CCNJL: variants seen among roughly 807,000 people sequenced by gnomAD.
CCNJL encodes the protein cyclin J like.
In CCNJL, 33 loss-of-function variants were observed where a neutral mutation model predicts 33.4. That is an observed-to-expected ratio of 0.99 (90% CI 0.75 to 1.32). The LOEUF (loss-of-function observed/expected upper bound fraction) is 1.32. CCNJL is among the 40% of genes most tolerant of loss of function. The probability of loss-of-function intolerance (pLI) is 0.00; values close to 1 mark genes in which losing one functional copy is unlikely to be tolerated. For synonymous variants in CCNJL, 227 were observed against 220.9 expected (o/e 1.03, Z -0.24); for missense variants, 512 against 499.7 (o/e 1.02, Z -0.23).
At chr5:160,314,718 G>A (rs902633895), upstream of CCNJL, among the ~76,000 whole-genome samples, 1 of 152,136 alleles carries the variant, frequency 6.6e-6, no homozygotes, top group Non-Finnish European at 1.5e-5. Context: ...CTGATAAATC[G>A]GTATGTAAAA....
chr5:160,275,173 C>G lies in CCNJL; in HGVS notation c.280+5352G>C, dbSNP rs972126836. 5.8e-4 allele frequency among the ~76,000 whole-genome samples: 88 copies of G among 151,822 alleles called. 1 individual carries two copies. Among genetic ancestry groups the G allele is most frequent in the African/African-American group, 2.1e-3 (85 of 41,296 alleles). On this transcript the variant is annotated intron_variant, in intron 3 of 5. Coordinates refer to ENST00000257536, the MANE Select transcript of CCNJL (RefSeq NM_001308173.3). The stretch of plus-strand genomic sequence containing the variant: ...AATCTTGGCTCACTGCAACCTCCGC[C>G]TCCCGGGTTCAAGCAATTCTTCCAC...
intron 2 of CCNJL, among the ~76,000 whole-genome samples, chr5:160,286,079 G>T (rs969119348): frequency 6.6e-6 from 1 of 152,194 alleles, no homozygotes; most frequent in Non-Finnish European, 1.5e-5. Flanking sequence ...TGCAGCTGCC[G>T]GAAATTAGAC....
intron 5 of CCNJL, 98 bp from the exon 6 acceptor site, chr5:160,253,896 C>A (rs1207032707): frequency 3.2e-6 from 3 of 926,430 alleles, no homozygotes; most frequent in Middle Eastern, 2.3e-4. Context: ...GGAAGAGATG[C>A]GTGTGTCCTG....
intron 4 of CCNJL, among the ~76,000 whole-genome samples, chr5:160,257,193 T>C (rs1761103640): frequency 1.3e-5 from 2 of 151,720 alleles, no homozygotes; most frequent in Admixed American, 6.6e-5. Flanking sequence ...TTTAAAAAAT[T>C]GGCCGGGTGC....
Position 160,312,562 on chromosome 5 carries a change from C to T in CCNJL, c.-248G>A, listed in dbSNP as rs1354397467. 1 of 151,582 alleles carries T rather than the reference C, an allele frequency of 6.6e-6. No individual in the cohort carries two copies. The highest frequency in any genetic ancestry group is 1.5e-5 in the Non-Finnish European group (1 of 67,850). The allele number at this position is 151,582 out of a possible 1,614,324, so 9.4% of individuals were successfully genotyped here. A position where few individuals can be genotyped will look rare whatever the true frequency, so the allele number is the denominator to read the frequency against. On this transcript the variant is annotated 5_prime_UTR_variant, in exon 1 of 6. Transcript: ENST00000257536. The stretch of plus-strand genomic sequence containing the variant: ...CGGGTCCCGCCGCGGCTCGCAGGCT[C>T]CCGGCCGCCGGGGGCCTCCCTCCCT...
intron 3 of CCNJL, among the ~76,000 whole-genome samples, chr5:160,272,585 C>G (rs1427472816): frequency 6.6e-6 from 1 of 152,138 alleles, no homozygotes; most frequent in African/African-American, 2.4e-5. Flanking sequence ...AGAGACATTG[C>G]TTGTTCTTTT....
chr5:160,270,035 GCA>G (rs1260525050), intron 3 of CCNJL, among the ~76,000 whole-genome samples: 3 of 152,176 alleles, frequency 2.0e-5, no homozygotes, highest in Non-Finnish European at 2.9e-5. Flanking sequence ...TATAGGCTGG[GCA>G]CAGTGACTCA....
chr5:160,294,291 T>C (rs1341393694), intron 2 of CCNJL, among the ~76,000 whole-genome samples: 1 of 152,176 alleles, frequency 6.6e-6, no homozygotes, highest in Non-Finnish European at 1.5e-5. Context: ...GGAACACTAT[T>C]TCAACATTCT....
At chr5:160,282,554 A>C (rs569371968) in intron 2 of CCNJL, among the ~76,000 whole-genome samples, 1 of 149,298 alleles carries the variant, frequency 6.7e-6, no homozygotes, top group Non-Finnish European at 1.5e-5. Context: ...TGAAAATCAC[A>C]TGTTAATAAA....
chr5:160,317,315 C>T (rs751498380), upstream of CCNJL, among the ~76,000 whole-genome samples: 14 of 152,158 alleles, frequency 9.2e-5, no homozygotes, highest in Non-Finnish European at 1.6e-4. Flanking sequence ...ATTCATAAAG[C>T]TGGTCCACAT....
Position 160,253,430 on chromosome 5 carries a change from C to A in CCNJL, c.1112G>T (p.Ser371Ile), listed in dbSNP as rs763986715. The part of the protein sequence containing the change: ...PRHCLATTYG[S>I]SYFSGSHMFP... ...CATGTGGCTCCCACTGAAGTAGCTG[C>A]TTCCATAGGTGGTGGCGAGGCAGTG... The change falls in exon 6 of 6, where the codon AGC becomes ATC. Residue 371 changes from serine to isoleucine, a missense_variant. Ser to Ile is a moderately radical substitution (Grantham distance 142). Coordinates refer to ENST00000257536, the MANE Select transcript of CCNJL (RefSeq NM_001308173.3). 4.4e-6 allele frequency: 7 copies of A among 1,607,282 alleles called. No homozygotes were observed. Among genetic ancestry groups the A allele is most frequent in the African/African-American group, 1.3e-5 (1 of 74,964 alleles).
At chr5:160,318,179 G>A (rs531975435) in intron 1 of CCNJL, among the ~76,000 whole-genome samples, 3 of 152,232 alleles carry the variant, frequency 2.0e-5, no homozygotes, top group Admixed American at 2.0e-4. Flanking sequence ...ACCATGCCTG[G>A]CTAATTTTTG....
chr5:160,282,972 T>TATATATATATAC (rs1762267611), intron 2 of CCNJL, among the ~76,000 whole-genome samples: 6 of 44,212 alleles, frequency 1.4e-4, no homozygotes, highest in Admixed American at 2.3e-4. Flanking sequence ...TTGGAATATA[T>TATATATATATAC]ATATATATAT....
In CCNJL at chr5:160,253,510, G is replaced by C. The variant is rs753664479; in HGVS notation, c.1032C>G (p.Pro344=). The change falls in exon 6 of 6, where the codon CCC becomes CCG. Residue 344 remains proline (P), a synonymous_variant. Coordinates refer to ENST00000257536, the MANE Select transcript of CCNJL (RefSeq NM_001308173.3). The part of the protein sequence containing the change: ...YQPLQPLDMC[P]VPVPASLSMH... ...TGCTAAGGGATGCAGGGACGGGCACGGGACACATATCCAAGGGCTGCAGCG... is the reference window on the plus strand; with the variant it reads ...TGCTAAGGGATGCAGGGACGGGCACCGGACACATATCCAAGGGCTGCAGCG... 1.9e-6 allele frequency: 3 copies of C among 1,614,192 alleles called. No individual in the cohort carries two copies. Among genetic ancestry groups the C allele is most frequent in the South Asian group, 1.1e-5 (1 of 91,080 alleles).
chr5:160,295,899 C>T (rs925459275), intron 2 of CCNJL, among the ~76,000 whole-genome samples: 2 of 152,100 alleles, frequency 1.3e-5, no homozygotes, highest in African/African-American at 2.4e-5. Context: ...CCTAATACAC[C>T]CTCTATTTCC....
chr5:160,326,535 A>G (rs1379435761), intron 1 of CCNJL, among the ~76,000 whole-genome samples: 1 of 151,936 alleles, frequency 6.6e-6, no homozygotes, highest in Non-Finnish European at 1.5e-5. Flanking sequence ...AGGCAAGGCA[A>G]TCTCTAAAAT....
rs2113170448 is a variant in CCNJL, at chr5:160,249,669, G to GGGA, written c.*3706_*3708dup. On this transcript the variant is annotated 3_prime_UTR_variant, in exon 6 of 6. Coordinates refer to ENST00000257536, the MANE Select transcript of CCNJL (RefSeq NM_001308173.3). ...TCCCAGCTACTCAGGAGGCTGAGGT[G>GGGA]GGAGGATCACTTGAGCCCAGAAGGT... is the stretch of plus-strand genomic sequence containing the variant. 1 of 151,998 alleles carries GGGA rather than the reference G, an allele frequency of 6.6e-6. No individual in the cohort carries two copies. The highest frequency in any genetic ancestry group is 2.4e-5 in the African/African-American group (1 of 41,454). The allele number at this position is 151,998 out of a possible 1,614,324, so 9.4% of individuals were successfully genotyped here. A position where few individuals can be genotyped will look rare whatever the true frequency, so the allele number is the denominator to read the frequency against.
chr5:160,260,165 C>T (rs1221349662), intron 3 of CCNJL, among the ~76,000 whole-genome samples: 1 of 152,220 alleles, frequency 6.6e-6, no homozygotes, highest in Non-Finnish European at 1.5e-5. Context: ...GGTGCCCTCC[C>T]TACTCTCCAT....
At chr5:160,288,666 C>T (rs1041654803) in intron 2 of CCNJL, among the ~76,000 whole-genome samples, 9 of 151,750 alleles carry the variant, frequency 5.9e-5, no homozygotes, top group African/African-American at 1.9e-4. Context: ...GTCAGGAGAT[C>T]GAGACCATCC....
Sources: allele counts gnomAD v4.1 joint callset (sites outside exome capture counted in the v4.1 genomes callset), GRCh38; gene constraint gnomAD v4.1.1; transcripts MANE v1.5; gene names NCBI Gene and HGNC (gene_info 2026-07-23, HGNC 2026-07-21).